CPD: variants seen among roughly 807,000 people sequenced by gnomAD.
CPD encodes the protein carboxypeptidase D, also known as metallocarboxypeptidase D.
Under a neutral mutation model 138.3 loss-of-function variants are expected in CPD, and 69 were observed. That is an observed-to-expected ratio of 0.50 (90% CI 0.41 to 0.61). CPD has a LOEUF of 0.61. Ranked by LOEUF, CPD falls within the 20% of genes least tolerant of loss-of-function variation. The pLI, the probability that CPD is intolerant of heterozygous loss-of-function variation, is 0.00. For synonymous variants in CPD, 651 were observed against 642.1 expected, an observed-to-expected ratio of 1.01 and a Z score of -0.21; for missense variants, 1,432 against 1,733.3, an observed-to-expected ratio of 0.83 and a Z score of 3.09.
intron 2 of CPD, among the ~76,000 whole-genome samples, chr17:30,398,135 T>C (rs1911558126): frequency 6.6e-6 from 1 of 152,126 alleles, no homozygotes. Flanking sequence ...CGCATATTTT[T>C]TCAGTTATTT....
At position 30,445,871 on chromosome 17, in the gene CPD, C is replaced by A; in HGVS notation, c.2724C>A (p.Asp908Glu). The A allele has an allele frequency of 6.2e-7, 1 of 1,614,120 alleles. No individual in the cohort carries two copies. Among genetic ancestry groups the A allele is most frequent in the Non-Finnish European group, 8.5e-7 (1 of 1,179,988 alleles). ...AAGAGTTTGAAACTTTAATTAAAGA[C>A]CTTTCAGCGGAGAATGGTTTGGAAA... is the stretch of plus-strand genomic sequence containing the variant. ...TTKEFETLIK[D>E]LSAENGLESL... The change falls in exon 12 of 21, where the codon GAC (aspartate) becomes GAA (glutamate). Residue 908 changes from aspartate to glutamate, a missense_variant. Around this residue, in one of 6 missense-constraint regions of CPD, gnomAD observed 124 missense variants for 117.0 expected, o/e 1.06. Coordinates refer to ENST00000225719, the MANE Select transcript of CPD (RefSeq NM_001304.5).
At chr17:30,400,475 G>A (rs1478639214) in intron 2 of CPD, among the ~76,000 whole-genome samples, 1 of 151,894 alleles carries the variant, frequency 6.6e-6, no homozygotes, top group African/African-American at 2.4e-5. Flanking sequence ...GAGAAAAATA[G>A]CTGATTGTAT....
At chr17:30,386,825 A>G (rs1327130258) in intron 2 of CPD, among the ~76,000 whole-genome samples, 2 of 152,210 alleles carry the variant, frequency 1.3e-5, no homozygotes, top group African/African-American at 4.8e-5. Context: ...CCTTGAATGT[A>G]TATGTTAGTA....
intron 13 of CPD, among the ~76,000 whole-genome samples, chr17:30,450,726 G>T (rs1027147984): frequency 2.6e-5 from 4 of 152,160 alleles, no homozygotes; most frequent in Non-Finnish European, 4.4e-5. Flanking sequence ...GGGCCTTGTG[G>T]TGCACACCTG....
Position 30,449,538 on chromosome 17 carries a change from T to G in CPD, c.2874-15T>G. On this transcript the variant is annotated splice_polypyrimidine_tract_variant and intron_variant, in intron 12 of 20. Transcript: ENST00000225719. ...TTGATTACTTGCTGATTTTTTTGTT[T>G]CTGGTTTTTGAAAGTTTGGGACAGA... is the stretch of plus-strand genomic sequence containing the variant. The G allele has an allele frequency of 6.4e-7, 1 of 1,565,602 alleles. No homozygotes were observed. Among genetic ancestry groups the G allele is most frequent in the Non-Finnish European group, 8.6e-7 (1 of 1,166,230 alleles).
At chr17:30,394,730 C>T (rs1192895129) in intron 2 of CPD, among the ~76,000 whole-genome samples, 1 of 152,054 alleles carries the variant, frequency 6.6e-6, no homozygotes. Flanking sequence ...AGAAGTTATG[C>T]AAGAAGAACT....
Position 30,464,872 on chromosome 17 carries a change from G to A in CPD, c.*58G>A. On this transcript the variant is annotated 3_prime_UTR_variant, in exon 21 of 21. Coordinates refer to ENST00000225719, the MANE Select transcript of CPD (RefSeq NM_001304.5). The stretch of plus-strand genomic sequence containing the variant: ...ACCAAGCAAAATTACAGTTCCTCTT[G>A]GGAGAACACTGCATTAAGAAGAGAG... 1 of 1,317,346 alleles carries A rather than the reference G, an allele frequency of 7.6e-7. No individual in the cohort carries two copies. The highest frequency in any genetic ancestry group is 1.1e-6 in the Non-Finnish European group (1 of 916,616). The allele number at this position is 1,317,346 out of a possible 1,614,324, so 81.6% of individuals were successfully genotyped here. A position where few individuals can be genotyped will look rare whatever the true frequency, so the allele number is the denominator to read the frequency against.
At chr17:30,463,308 C>CTA (rs1456069675) in intron 20 of CPD, among the ~76,000 whole-genome samples, 1 of 152,098 alleles carries the variant, frequency 6.6e-6, no homozygotes, top group East Asian at 1.9e-4. Flanking sequence ...ATGTATTTGT[C>CTA]TATATTCAAT....
At chr17:30,410,806 T>A (rs985088586) in intron 2 of CPD, among the ~76,000 whole-genome samples, 3 of 152,224 alleles carry the variant, frequency 2.0e-5, no homozygotes, top group African/African-American at 7.2e-5. Flanking sequence ...CTTGACTCTT[T>A]ATCCAGTTTG....
In CPD at chr17:30,467,605, C is replaced by G. The variant is rs1376037546; in HGVS notation, c.*2791C>G. ...TGATTGATTGCTTTATCTTTGGTAA[C>G]TTTTACTTGAATGGGATTTGCTGAA... On this transcript the variant is annotated 3_prime_UTR_variant, in exon 21 of 21. Coordinates refer to ENST00000225719, the MANE Select transcript of CPD (RefSeq NM_001304.5). 6.6e-6 allele frequency: 1 copy of G among 152,120 alleles called. No homozygotes were observed. Among genetic ancestry groups the G allele is most frequent in the East Asian group, 1.9e-4 (1 of 5,200 alleles). The allele number at this position is 152,120 out of a possible 1,614,324, so 9.4% of individuals were successfully genotyped here. A position where few individuals can be genotyped will look rare whatever the true frequency, so the allele number is the denominator to read the frequency against.
chr17:30,415,104 C>T (rs574872513), intron 2 of CPD, among the ~76,000 whole-genome samples: 153 of 152,286 alleles, frequency 1.0e-3, no homozygotes, highest in African/African-American at 3.5e-3. Context: ...TTCATCTTTT[C>T]AGTAAATGGC....
intron 2 of CPD, among the ~76,000 whole-genome samples, chr17:30,414,084 G>A (rs555916514): frequency 2.6e-5 from 4 of 152,362 alleles, no homozygotes; most frequent in African/African-American, 9.6e-5. Flanking sequence ...GGAAAGCTGG[G>A]TGATGGGGAT....
chr17:30,393,008 G>A (rs1911400726), intron 2 of CPD, among the ~76,000 whole-genome samples: 1 of 152,206 alleles, frequency 6.6e-6, no homozygotes, highest in Non-Finnish European at 1.5e-5. Context: ...ACTTGAGGCT[G>A]AGCCTTTTCA....
chr17:30,437,879 C>T (rs1050417966), intron 8 of CPD, among the ~76,000 whole-genome samples: 12 of 152,096 alleles, frequency 7.9e-5, no homozygotes, highest in African/African-American at 2.7e-4. Flanking sequence ...CTTTGTCACC[C>T]AGGCTGTAGT....
rs755033331 is a variant in CPD, at chr17:30,445,774, A to C, written c.2627A>C (p.Asp876Ala). 6.2e-7 allele frequency: 1 copy of C among 1,613,902 alleles called. No individual in the cohort carries two copies. The highest frequency in any genetic ancestry group is 8.5e-7 in the Non-Finnish European group (1 of 1,179,980). Residue 876 changes from aspartate to alanine, a missense_variant, in exon 12 of 21, where the codon GAT becomes GCT. Physicochemically the swap from Asp to Ala is moderately radical, Grantham distance 126. Around this residue, in one of 6 missense-constraint regions of CPD, gnomAD observed 124 missense variants for 117.0 expected, o/e 1.06. Coordinates refer to ENST00000225719, the MANE Select transcript of CPD (RefSeq NM_001304.5). ...VNFTLVRSST[D>A]SNNESKKGKG... ...TTCACACTTGTTCGATCCTCAACAG[A>C]TTCAAACAATGAATCAAAGAAAGGA...
intron 20 of CPD, 63 bp downstream of exon 20, chr17:30,462,532 G>A: frequency 1.8e-6 from 2 of 1,106,854 alleles, no homozygotes; most frequent in South Asian, 2.6e-5. Context: ...CAATATGAGA[G>A]TGGGTCACCT....
chr17:30,449,587 T>C lies in CPD; in HGVS notation c.2908T>C (p.Ser970Pro). 1 of 1,600,822 alleles carries C rather than the reference T, an allele frequency of 6.2e-7. No individual in the cohort carries two copies. Among genetic ancestry groups the C allele is most frequent in the East Asian group, 2.3e-5 (1 of 44,218 alleles). ...GQSTEYRHIW[S>P]LEISNKPNVS... The stretch of plus-strand genomic sequence containing the variant: ...GAGCACTGAATATCGTCACATTTGG[T>C]CCCTTGAAATCTCCAATAAGCCCAA... Residue 970 changes from serine to proline, a missense_variant, in exon 13 of 21, where the codon TCC (serine) becomes CCC (proline). Coordinates refer to ENST00000225719, the MANE Select transcript of CPD (RefSeq NM_001304.5).
intron 17 of CPD, among the ~76,000 whole-genome samples, chr17:30,459,804 A>G (rs571313249): frequency 6.6e-6 from 1 of 152,310 alleles, no homozygotes; most frequent in East Asian, 1.9e-4. Context: ...AATTTCTGAC[A>G]GCATTTTAAT....
chr17:30,455,615 A>C, intron 15 of CPD, 145 bp downstream of exon 15: 1 of 809,994 alleles, frequency 1.2e-6, no homozygotes, highest in East Asian at 2.8e-5. Flanking sequence ...GATTGTACAT[A>C]CATCAGCAGT....
Sources: gnomAD v4.1 joint callset for allele counts (sites outside exome capture counted in the v4.1 genomes callset) on GRCh38, gnomAD v4.1.1 for gene constraint, gnomAD v4.1.1 regional missense constraint, MANE v1.5 for transcripts, NCBI Gene and HGNC (gene_info 2026-07-23, HGNC 2026-07-21) for gene names.